The following ROBO1 variants were observed in gnomAD, a reference collection of about 807,000 sequenced individuals.
The protein encoded by ROBO1 is roundabout homolog 1.
In ROBO1, 149 loss-of-function variants were observed where a neutral mutation model predicts 195.9. The observed-to-expected ratio is 0.76, with a 90% CI of 0.67 to 0.87. The LOEUF is 0.87. Among genes scored for constraint, ROBO1 ranks in the 40% least tolerant of loss-of-function variants. ROBO1 has a pLI of 0.00. For missense variants in ROBO1, 1,933 were observed against 2,068.3 expected (o/e 0.93, Z 1.27); for synonymous variants, 816 against 733.2 (o/e 1.11, Z -1.82).
chr3:79,438,586 G>A (rs745536144), intron 2 of ROBO1, among the ~76,000 whole-genome samples: 1 of 151,868 alleles, frequency 6.6e-6, no homozygotes, highest in African/African-American at 2.4e-5. Context: ...CAAATTACTT[G>A]GTGTGAGTTC....
At chr3:79,014,960 G>T (rs4507217) in intron 3 of ROBO1, among the ~76,000 whole-genome samples, 149,907 of 152,200 alleles carry the variant, frequency 0.98, 73,842 homozygotes, top group East Asian at 1. Context: ...TTTTAAATTA[G>T]AAATATCTAG....
chr3:79,598,266 C>T (rs186972384), intron 1 of ROBO1, among the ~76,000 whole-genome samples: 4 of 152,084 alleles, frequency 2.6e-5, no homozygotes, highest in Admixed American at 6.6e-5. Context: ...TAGACAGATA[C>T]GTTATTGATT....
intron 1 of ROBO1, among the ~76,000 whole-genome samples, chr3:79,755,727 C>G (rs1479167719): frequency 6.6e-6 from 1 of 152,210 alleles, no homozygotes; most frequent in Non-Finnish European, 1.5e-5. Context: ...TCAGTGCTCT[C>G]ACCATCACTA....
intron 1 of ROBO1, among the ~76,000 whole-genome samples, chr3:79,637,536 T>G (rs1279722302): frequency 1.3e-5 from 2 of 152,168 alleles, no homozygotes; most frequent in African/African-American, 4.8e-5. Context: ...TTTGAAAATA[T>G]AATATGTTGA....
Position 79,152,549 on chromosome 3 carries a change from T to G in ROBO1, c.89-27010A>C, listed in dbSNP as rs1167087275. 1.3e-5 allele frequency among the ~76,000 whole-genome samples: 2 copies of G among 151,840 alleles called. 1 individual carries two copies. Among genetic ancestry groups the G allele is most frequent in the African/African-American group, 4.8e-5 (2 of 41,400 alleles). On this transcript the variant is annotated intron_variant, in intron 2 of 30. Transcript: ENST00000464233. ...AGGTATCTGTCAAATGCTAGGAAAA[T>G]CATGTTTATTATATGCATATTGTAT... is the stretch of plus-strand genomic sequence containing the variant.
intron 1 of ROBO1, among the ~76,000 whole-genome samples, chr3:79,760,167 G>T (rs1426877403): frequency 6.9e-6 from 1 of 145,652 alleles, no homozygotes; most frequent in Admixed American, 7.0e-5. Context: ...AACCTAGGAG[G>T]CGGAGGTTGC....
chr3:79,589,804 A>G lies in ROBO1; in HGVS notation c.88+20T>C. 6.3e-7 allele frequency: 1 copy of G among 1,591,938 alleles called. No homozygotes were observed. The highest frequency in any genetic ancestry group is 8.6e-7 in the Non-Finnish European group (1 of 1,161,254). On this transcript the variant is annotated intron_variant, in intron 2 of 30. Transcript: ENST00000464233. ...GGGAATACTGGTTAAGTATTGATGA[A>G]ACAAATGCACAGCACTTACCTGGAA...
chr3:79,165,096 A>G (rs2081038755), intron 2 of ROBO1, among the ~76,000 whole-genome samples: 1 of 152,142 alleles, frequency 6.6e-6, no homozygotes. Context: ...TAAGCGCCAT[A>G]AGGTCAGGAA....
At chr3:79,576,111 T>G (rs572504952) in intron 2 of ROBO1, among the ~76,000 whole-genome samples, 1 of 152,078 alleles carries the variant, frequency 6.6e-6, no homozygotes, top group African/African-American at 2.4e-5. Context: ...TCACCTGACA[T>G]TATACATTGA....
chr3:79,485,113 A>G (rs368555025), intron 2 of ROBO1, among the ~76,000 whole-genome samples: 16 of 152,006 alleles, frequency 1.1e-4, no homozygotes, highest in African/African-American at 3.9e-4. Context: ...TCCTATATTA[A>G]TTGTACTAAT....
intron 4 of ROBO1, among the ~76,000 whole-genome samples, chr3:78,824,045 T>C (rs1419912392): frequency 6.6e-6 from 1 of 152,214 alleles, no homozygotes; most frequent in Admixed American, 6.5e-5. Flanking sequence ...TCCTTGAGGT[T>C]GCATCACACT....
At chr3:78,788,812 T>C (rs1045012558) in intron 4 of ROBO1, among the ~76,000 whole-genome samples, 3 of 140,984 alleles carry the variant, frequency 2.1e-5, no homozygotes, top group African/African-American at 7.7e-5. Context: ...TTATAAAATA[T>C]CAAAATTAAT....
intron 2 of ROBO1, among the ~76,000 whole-genome samples, chr3:79,252,244 C>T (rs1248033102): frequency 6.6e-6 from 1 of 152,098 alleles, no homozygotes; most frequent in Middle Eastern, 3.4e-3. Context: ...TCATGTCCAC[C>T]AGGAACCTAT....
chr3:78,759,936 A>C (rs2083051860), intron 4 of ROBO1, among the ~76,000 whole-genome samples: 1 of 152,184 alleles, frequency 6.6e-6, no homozygotes, highest in Non-Finnish European at 1.5e-5. Flanking sequence ...ATCTATGGAG[A>C]GTGAGAATCT....
chr3:78,857,359 A>T (rs1218256357), intron 4 of ROBO1, among the ~76,000 whole-genome samples: 2 of 152,214 alleles, frequency 1.3e-5, no homozygotes, highest in African/African-American at 4.8e-5. Flanking sequence ...ACATTTTAAA[A>T]TTTTAAATGT....
At chr3:79,515,166 C>T (rs1245808944) in intron 2 of ROBO1, among the ~76,000 whole-genome samples, 5 of 152,104 alleles carry the variant, frequency 3.3e-5, no homozygotes, top group African/African-American at 4.8e-5. Flanking sequence ...TCAACACAAG[C>T]GGCTGAAAAA....
At chr3:79,120,167 G>A (rs895088980) in intron 3 of ROBO1, among the ~76,000 whole-genome samples, 7 of 152,080 alleles carry the variant, frequency 4.6e-5, no homozygotes, top group Non-Finnish European at 1.0e-4. Context: ...TAAACATAAA[G>A]GTTGTTTCCC....
intron 2 of ROBO1, among the ~76,000 whole-genome samples, chr3:79,302,158 A>G (rs532737330): frequency 5.1e-4 from 77 of 152,300 alleles, no homozygotes; most frequent in African/African-American, 1.8e-3. Context: ...CGCTATCCAC[A>G]TGTCTGGGTA....
At chr3:78,801,994 A>G (rs1255360630) in intron 4 of ROBO1, among the ~76,000 whole-genome samples, 1 of 152,116 alleles carries the variant, frequency 6.6e-6, no homozygotes, top group East Asian at 1.9e-4. Context: ...TTTTTCCCAT[A>G]CTGATCTTTT....
Sources: gnomAD v4.1 joint callset for allele counts (sites outside exome capture counted in the v4.1 genomes callset) on GRCh38, gnomAD v4.1.1 for gene constraint, MANE v1.5 for transcripts, NCBI Gene and HGNC (gene_info 2026-07-23, HGNC 2026-07-21) for gene names.